Variants in TBCD observed in about 807,000 individuals in gnomAD.
TBCD encodes tubulin-specific chaperone D.
Under a neutral mutation model 169.3 loss-of-function variants are expected in TBCD, and 105 were observed. The observed-to-expected ratio is 0.62, with a 90% CI of 0.53 to 0.73. The LOEUF (loss-of-function observed/expected upper bound fraction) is 0.73. Among genes scored for constraint, TBCD ranks in the 30% least tolerant of loss-of-function variants. The pLI, the probability that TBCD is intolerant of heterozygous loss-of-function variation, is 0.00. For missense variants in TBCD, 1,444 were observed against 1,600.1 expected, an observed-to-expected ratio of 0.90 and a Z score of 1.66; for synonymous variants, 700 against 643.9, an observed-to-expected ratio of 1.09 and a Z score of -1.32.
chr17:82,792,815 G>A (rs1025998124), intron 7 of TBCD, among the ~76,000 whole-genome samples: 1 of 151,528 alleles, frequency 6.6e-6, no homozygotes, highest in East Asian at 1.9e-4. Flanking sequence ...TTTTTTTGGC[G>A]TCAGTGGCAT....
chr17:82,939,998 A>G (rs1433370766), intron 37 of TBCD, among the ~76,000 whole-genome samples: 3 of 152,218 alleles, frequency 2.0e-5, no homozygotes, highest in Non-Finnish European at 4.4e-5. Flanking sequence ...AGTTTCTGCA[A>G]CATGGGCTGG....
At chr17:82,912,991 G>C (rs557037132) in intron 23 of TBCD, 5 of 152,434 alleles carry the variant, frequency 3.3e-5, no homozygotes, top group African/African-American at 1.2e-4. Context: ...TAAGACCGGT[G>C]TGTCATGTTT....
chr17:82,791,343 G>A (rs934106023), intron 7 of TBCD, among the ~76,000 whole-genome samples: 1 of 152,060 alleles, frequency 6.6e-6, no homozygotes, highest in African/African-American at 2.4e-5. Flanking sequence ...TGCCTGCCTC[G>A]GCCTCCCAAA....
intron 13 of TBCD, among the ~76,000 whole-genome samples, chr17:82,862,551 G>T (rs1479462961): frequency 6.6e-6 from 1 of 152,182 alleles, no homozygotes; most frequent in African/African-American, 2.4e-5. Context: ...TAATCTCTCA[G>T]TCTTAGAGAA....
At chr17:82,774,387 C>T (rs7211596) in intron 6 of TBCD, among the ~76,000 whole-genome samples, 40,995 of 152,130 alleles carry the variant, frequency 0.27, 5,811 homozygotes, top group East Asian at 0.44. Flanking sequence ...AGATTAACAG[C>T]ATCCCAAGGC....
chr17:82,882,321 C>T (rs2058413740), intron 14 of TBCD, among the ~76,000 whole-genome samples: 1 of 152,240 alleles, frequency 6.6e-6, no homozygotes, highest in Admixed American at 6.5e-5. Flanking sequence ...GCCCATTCCC[C>T]CCCAGCCCCT....
intron 9 of TBCD, among the ~76,000 whole-genome samples, chr17:82,801,692 C>G (rs112689241): frequency 1.7e-5 from 2 of 117,340 alleles, no homozygotes; most frequent in African/African-American, 7.7e-5. Flanking sequence ...AGGAGGGCGG[C>G]GTGTGCGTTG....
rs1406576256 is a variant in TBCD, at chr17:82,782,505, G to A, written c.771+784G>A. Among the ~76,000 whole-genome samples the A allele has an allele frequency of 6.6e-6, 1 of 152,136 alleles. No homozygotes were observed. Among genetic ancestry groups the A allele is most frequent in the Non-Finnish European group, 1.5e-5 (1 of 68,026 alleles). ...CTGAGGAGCGGGGCACTTTGTTCTT[G>A]TTTAAAAAATATATTTTATAGAGAC... On this transcript the variant is annotated intron_variant, in intron 7 of 38. Transcript: ENST00000355528. The surrounding 1 kb of genome is among the most constrained non-coding windows in gnomAD (Gnocchi z 5.1).
At chr17:82,774,428 C>G (rs537563524) in intron 6 of TBCD, among the ~76,000 whole-genome samples, 3 of 152,200 alleles carry the variant, frequency 2.0e-5, no homozygotes, top group African/African-American at 7.2e-5. Flanking sequence ...AGAACAAAAT[C>G]GAGTCTCCTA....
Position 82,884,076 on chromosome 17 carries a change from C to T in TBCD, c.1476-69C>T. 1.4e-6 allele frequency: 2 copies of T among 1,456,182 alleles called. No individual in the cohort carries two copies. Among genetic ancestry groups the T allele is most frequent in the Non-Finnish European group, 1.9e-6 (2 of 1,060,760 alleles). The allele number at this position is 1,456,182 out of a possible 1,614,324, so 90.2% of individuals were successfully genotyped here. A position where few individuals can be genotyped will look rare whatever the true frequency, so the allele number is the denominator to read the frequency against. On this transcript the variant is annotated intron_variant, in intron 14 of 38. Coordinates refer to ENST00000355528, the MANE Select transcript of TBCD (RefSeq NM_005993.5). This position sits in a 1 kb window ranked among gnomAD's most constrained non-coding sequence, Gnocchi z 4.2. ...CTGAGTCGTGAGAGAAAGGCTTTCT[C>T]ATCGATACTGTGTGGTCTGTACTGT...
At chr17:82,887,173 G>GCGCA (rs2058805093) in intron 15 of TBCD, among the ~76,000 whole-genome samples, 1 of 66,916 alleles carries the variant, frequency 1.5e-5, no homozygotes, top group Non-Finnish European at 2.9e-5. Flanking sequence ...GTGTGTGCGC[G>GCGCA]CGCGCGCACG....
intron 1 of TBCD, 100 bp downstream of exon 1, chr17:82,752,477 C>A (rs2047149797): frequency 4.0e-6 from 4 of 1,005,466 alleles, no homozygotes; most frequent in South Asian, 4.9e-5. Context: ...CGGCGCCGGC[C>A]GCTCTGCGAG....
intron 13 of TBCD, among the ~76,000 whole-genome samples, chr17:82,845,946 C>T (rs1283505853): frequency 6.6e-6 from 1 of 152,230 alleles, no homozygotes; most frequent in Non-Finnish European, 1.5e-5. Context: ...GAAAACTCTG[C>T]GGAAAATCCA....
At chr17:82,838,214 G>A (rs1259047774) in intron 13 of TBCD, among the ~76,000 whole-genome samples, 1 of 152,166 alleles carries the variant, frequency 6.6e-6, no homozygotes, top group Non-Finnish European at 1.5e-5. Flanking sequence ...TCTTTCCAAA[G>A]GTTCCTAAGT....
At chr17:82,799,441 C>CAAAAAAA (rs61017445) in intron 8 of TBCD, among the ~76,000 whole-genome samples, 23,987 of 72,008 alleles carry the variant, frequency 0.33, 4,972 homozygotes, top group Non-Finnish European at 0.39. Flanking sequence ...GACTCTGTCT[C>CAAAAAAA]AAAAAAAAAA....
intron 13 of TBCD, chr17:82,830,921 A>G: frequency 6.2e-7 from 1 of 1,613,152 alleles, no homozygotes; most frequent in East Asian, 2.2e-5. Context: ...TTGCTTAGAA[A>G]AGCAACTGCG....
chr17:82,930,388 T>TCA lies in TBCD; in HGVS notation c.2992-134_2992-133insCA. On this transcript the variant is annotated intron_variant, in intron 32 of 38. Transcript: ENST00000355528. This position sits in a 1 kb window ranked among gnomAD's most constrained non-coding sequence, Gnocchi z 5.2. ...CGTGCTGGCGTCCGCACCAGCCGCT[T>TCA]GGGGCCAGACCTTCGCGTCTCTGCA... 7.4e-7 allele frequency: 1 copy of TCA among 1,352,246 alleles called. No individual in the cohort carries two copies. The highest frequency in any genetic ancestry group is 9.8e-7 in the Non-Finnish European group (1 of 1,018,724). The allele number at this position is 1,352,246 out of a possible 1,614,324, so 83.8% of individuals were successfully genotyped here.
intron 2 of TBCD, among the ~76,000 whole-genome samples, chr17:82,759,690 T>C (rs2047649867): frequency 6.6e-6 from 1 of 152,190 alleles, no homozygotes; most frequent in African/African-American, 2.4e-5. Flanking sequence ...CCTTTGGTAG[T>C]ACGGTTAGAA....
At chr17:82,854,414 C>T (rs1447210290) in intron 13 of TBCD, among the ~76,000 whole-genome samples, 6 of 152,220 alleles carry the variant, frequency 3.9e-5, no homozygotes, top group East Asian at 1.9e-4. Flanking sequence ...GCAGGCCGGA[C>T]GCAGGCGCTG....
Sources: allele counts gnomAD v4.1 joint callset (sites outside exome capture counted in the v4.1 genomes callset), GRCh38; gene constraint gnomAD v4.1.1; non-coding constraint Gnocchi (gnomAD v3.1); transcripts MANE v1.5; gene names NCBI Gene and HGNC (gene_info 2026-07-23, HGNC 2026-07-21).